CNGA1: variants seen among roughly 807,000 people sequenced by gnomAD.
The protein encoded by CNGA1 is cyclic nucleotide gated channel subunit alpha 1.
A neutral mutation model predicts 69.7 loss-of-function variants in CNGA1; 53 were observed. The ratio of observed to expected loss-of-function variants is 0.76; its 90% CI spans 0.61 to 0.96. The LOEUF (loss-of-function observed/expected upper bound fraction) is 0.96, where lower values mean the gene tolerates loss of function less well. CNGA1 is among the 40% of genes least tolerant of loss of function. CNGA1 has a pLI of 0.00. For synonymous variants in CNGA1, 249 were observed against 283.5 expected (o/e 0.88, Z 1.22); for missense variants, 739 against 811.2 (o/e 0.91, Z 1.08).
intron 3 of CNGA1, among the ~76,000 whole-genome samples, chr4:47,964,706 C>T (rs1247035237): frequency 3.2e-4 from 48 of 152,040 alleles, no homozygotes; most frequent in Non-Finnish European, 1.2e-4. Flanking sequence ...TCTAAAACTG[C>T]CTTTCCAACT....
At chr4:47,954,691 T>C (rs931871259) in intron 3 of CNGA1, among the ~76,000 whole-genome samples, 3 of 152,154 alleles carry the variant, frequency 2.0e-5, no homozygotes, top group African/African-American at 7.2e-5. Context: ...AGGCGTGGAG[T>C]TTGATACCTG....
In CNGA1 at chr4:47,978,449, G is replaced by A. The variant is rs73244458; in HGVS notation, c.-15+2944C>T. Among the ~76,000 whole-genome samples the A allele has an allele frequency of 6.7e-3, 1,013 of 151,980 alleles. 3 individuals carry two copies. The highest frequency in any genetic ancestry group is 1.0e-2 in the Non-Finnish European group (676 of 67,932). The stretch of plus-strand genomic sequence containing the variant: ...AAATGTACTCTATGTATTTAAATTT[G>A]TTATTTCTAAATAAAATCTGTTGTA... On this transcript the variant is annotated intron_variant, in intron 3 of 10. Transcript: ENST00000514170.
intron 2 of CNGA1, among the ~76,000 whole-genome samples, chr4:47,985,439 G>T (rs190406970): frequency 6.6e-6 from 1 of 152,054 alleles, no homozygotes; most frequent in African/African-American, 2.4e-5. Context: ...TCCAGAATTC[G>T]CTCCCATAGG....
chr4:47,989,372 G>A (rs1450502134), intron 2 of CNGA1, among the ~76,000 whole-genome samples: 1 of 152,098 alleles, frequency 6.6e-6, no homozygotes. Flanking sequence ...TATGAAATCT[G>A]TCCAGAATCC....
intron 2 of CNGA1, among the ~76,000 whole-genome samples, chr4:47,996,340 C>T (rs1399830011): frequency 6.6e-6 from 1 of 152,130 alleles, no homozygotes; most frequent in African/African-American, 2.4e-5. Context: ...TTGAGATTTG[C>T]ATCCTGGTTT....
chr4:48,011,831 T>C (rs1030793309), intron 1 of CNGA1, among the ~76,000 whole-genome samples: 3 of 152,188 alleles, frequency 2.0e-5, no homozygotes, highest in Admixed American at 6.5e-5. Flanking sequence ...ACGGGATTCA[T>C]AGAAAGGGAA....
intron 3 of CNGA1, among the ~76,000 whole-genome samples, chr4:47,975,450 C>T: frequency 6.6e-6 from 1 of 152,056 alleles, no homozygotes; most frequent in Non-Finnish European, 1.5e-5. Context: ...GTAGTATCTA[C>T]AATACAATAA....
At chr4:47,941,369 G>A (rs1739065617) in intron 9 of CNGA1, among the ~76,000 whole-genome samples, 1 of 152,012 alleles carries the variant, frequency 6.6e-6, no homozygotes, top group Non-Finnish European at 1.5e-5. Context: ...AAAATATGTT[G>A]GGTGAAACAC....
At chr4:47,959,198 C>G (rs550236591) in intron 3 of CNGA1, 1 of 151,898 alleles carries the variant, frequency 6.6e-6, no homozygotes, top group Non-Finnish European at 1.5e-5. Flanking sequence ...CCAACAGCCT[C>G]GCAAAAACTA....
intron 3 of CNGA1, among the ~76,000 whole-genome samples, chr4:47,975,811 G>A (rs926372879): frequency 2.8e-4 from 42 of 152,132 alleles, no homozygotes; most frequent in Middle Eastern, 6.8e-3. Flanking sequence ...ACAATCAAGA[G>A]TAAGAACAAA....
chr4:47,950,188 C>T (rs1032159752), intron 5 of CNGA1, among the ~76,000 whole-genome samples: 1 of 152,210 alleles, frequency 6.6e-6, no homozygotes, highest in Non-Finnish European at 1.5e-5. Flanking sequence ...ATAATCCCCA[C>T]ATGCCACGGG....
chr4:47,959,693 C>T (rs1023516161), intron 3 of CNGA1, among the ~76,000 whole-genome samples: 10 of 152,140 alleles, frequency 6.6e-5, no homozygotes, highest in Non-Finnish European at 1.3e-4. Context: ...CTGCAACCTC[C>T]GCTTCCTTAG....
intron 2 of CNGA1, among the ~76,000 whole-genome samples, chr4:47,992,664 A>T (rs1276786093): frequency 9.1e-6 from 1 of 109,308 alleles, no homozygotes; most frequent in African/African-American, 3.0e-5. Context: ...TTTATTATTT[A>T]TTTATTTATT....
intron 3 of CNGA1, among the ~76,000 whole-genome samples, chr4:47,961,081 A>G (rs1214188725): frequency 6.6e-6 from 1 of 152,208 alleles, no homozygotes; most frequent in Non-Finnish European, 1.5e-5. Flanking sequence ...TATTTGCATC[A>G]AAAATATTAA....
intron 2 of CNGA1, among the ~76,000 whole-genome samples, chr4:47,995,390 C>T (rs893499358): frequency 3.3e-5 from 5 of 151,932 alleles, no homozygotes; most frequent in Non-Finnish European, 7.4e-5. Flanking sequence ...ATGCAAAGAC[C>T]CTGTCTTCAA....
intron 3 of CNGA1, among the ~76,000 whole-genome samples, chr4:47,966,345 G>T (rs1029308423): frequency 6.6e-6 from 1 of 152,120 alleles, no homozygotes; most frequent in East Asian, 1.9e-4. Flanking sequence ...ATATAAAAGG[G>T]CAGAGAAGAT....
intron 3 of CNGA1, among the ~76,000 whole-genome samples, chr4:47,962,213 G>GCC (rs1740482666): frequency 6.6e-6 from 1 of 151,904 alleles, no homozygotes; most frequent in South Asian, 2.1e-4. Flanking sequence ...GTGTGGTGGT[G>GCC]TGTGCCTGTA....
At position 48,016,330 on chromosome 4, in the gene CNGA1, C is replaced by T. The variant is rs191138694; in HGVS notation, c.-223+153G>A. 1.5e-3 allele frequency among the ~76,000 whole-genome samples: 236 copies of T among 152,272 alleles called. 1 individual carries two copies. The highest frequency in any genetic ancestry group is 5.5e-3 in the African/African-American group (230 of 41,548). ...CTTGAGCCTGGCAATCGGCGCAGAA[C>T]CCCAGCAGTCAGCAGCTTCGGTGCA... On this transcript the variant is annotated intron_variant, in intron 1 of 10. Transcript: ENST00000514170.
At chr4:48,000,701 C>G (rs1469708003) in intron 2 of CNGA1, among the ~76,000 whole-genome samples, 1 of 146,932 alleles carries the variant, frequency 6.8e-6, no homozygotes, top group Non-Finnish European at 1.5e-5. Context: ...ATTAAACAGC[C>G]AGAGGGAGAA....
Sources: allele counts gnomAD v4.1 joint callset (sites outside exome capture counted in the v4.1 genomes callset), GRCh38; gene constraint gnomAD v4.1.1; transcripts MANE v1.5; gene names NCBI Gene and HGNC (gene_info 2026-07-23, HGNC 2026-07-21).